The following BNC2 variants were observed in gnomAD, a reference collection of about 807,000 sequenced individuals.
BNC2 encodes basonuclin zinc finger protein 2, also known as zinc finger protein basonuclin-2.
Under a neutral mutation model 76.3 loss-of-function variants are expected in BNC2, and 20 were observed. The observed-to-expected ratio is 0.26, with a 90% CI of 0.18 to 0.38. The LOEUF (loss-of-function observed/expected upper bound fraction) is 0.38, where lower values mean the gene tolerates loss of function less well. Ranked by LOEUF, BNC2 falls within the 10% of genes least tolerant of loss-of-function variation. The pLI is 1.00. For missense variants in BNC2, 1,382 were observed against 1,399.8 expected, an observed-to-expected ratio of 0.99 and a Z score of 0.20; for synonymous variants, 582 against 514.8, an observed-to-expected ratio of 1.13 and a Z score of -1.77.
intron 3 of BNC2, among the ~76,000 whole-genome samples, chr9:16,708,149 A>C (rs2134682474): frequency 6.6e-6 from 1 of 152,308 alleles, no homozygotes; most frequent in South Asian, 2.1e-4. Context: ...AGGTGCCCAG[A>C]GTTTTGTAGA....
intron 5 of BNC2, among the ~76,000 whole-genome samples, chr9:16,505,269 G>A (rs1439325647): frequency 6.6e-6 from 1 of 152,172 alleles, no homozygotes; most frequent in East Asian, 1.9e-4. Context: ...CAATTTTCCA[G>A]TAACAGTCAC....
intron 1 of BNC2, among the ~76,000 whole-genome samples, chr9:16,769,373 C>G (rs1414150418): frequency 6.6e-6 from 1 of 152,146 alleles, no homozygotes; most frequent in East Asian, 1.9e-4. Flanking sequence ...CTCACAACAA[C>G]AGGTTAAAGA....
intron 3 of BNC2, among the ~76,000 whole-genome samples, chr9:16,701,098 G>T (rs545853088): frequency 1.3e-5 from 2 of 152,152 alleles, no homozygotes; most frequent in Admixed American, 1.3e-4. Context: ...ATTAGGCTAA[G>T]GCTTTCTCAT....
Position 16,697,175 on chromosome 9 carries a change from A to G in BNC2, c.330+30622T>C, listed in dbSNP as rs144820449. ...GGATTTCGAGACCAGCCTAGCTAAT[A>G]TGGTGAAACCCTGTCTCTACTACAC... On this transcript the variant is annotated intron_variant, in intron 3 of 6. Coordinates refer to ENST00000380672, the MANE Select transcript of BNC2 (RefSeq NM_017637.6). 5.2e-3 allele frequency among the ~76,000 whole-genome samples: 784 copies of G among 151,676 alleles called. 8 individuals are homozygous for G. The highest frequency in any genetic ancestry group is 7.5e-3 in the Admixed American group (115 of 15,232).
intron 5 of BNC2, among the ~76,000 whole-genome samples, chr9:16,491,319 T>A (rs1287352909): frequency 6.6e-6 from 1 of 152,160 alleles, no homozygotes; most frequent in Non-Finnish European, 1.5e-5. Context: ...ATCCTTCCAC[T>A]GCAGTGATAT....
At chr9:16,564,709 G>T (rs929289677) in intron 4 of BNC2, among the ~76,000 whole-genome samples, 1 of 152,110 alleles carries the variant, frequency 6.6e-6, no homozygotes, top group African/African-American at 2.4e-5. Context: ...TTTCTCATAG[G>T]TGCTTATTGA....
intron 3 of BNC2, among the ~76,000 whole-genome samples, chr9:16,653,541 TTC>T (rs1821848102): frequency 6.6e-6 from 1 of 152,054 alleles, no homozygotes; most frequent in African/African-American, 2.4e-5. Context: ...GCCTCCAATT[TTC>T]TGTCACAAGG....
At chr9:16,564,483 A>G (rs1048273264) in intron 4 of BNC2, among the ~76,000 whole-genome samples, 1 of 152,182 alleles carries the variant, frequency 6.6e-6, no homozygotes, top group African/African-American at 2.4e-5. Context: ...CAGAGGAAAC[A>G]TCAGGTTTCC....
chr9:16,735,717 C>A (rs1476596319), intron 2 of BNC2, among the ~76,000 whole-genome samples: 1 of 151,808 alleles, frequency 6.6e-6, no homozygotes, highest in East Asian at 2.0e-4. Flanking sequence ...CCAGGCCAGG[C>A]TGGTCTTGAA....
At chr9:16,531,093 T>C (rs753471118) in intron 5 of BNC2, among the ~76,000 whole-genome samples, 2 of 152,282 alleles carry the variant, frequency 1.3e-5, no homozygotes, top group African/African-American at 4.8e-5. Flanking sequence ...ATGGTGATTA[T>C]GAAAATAATA....
chr9:16,653,306 C>A (rs1018310019), intron 3 of BNC2, among the ~76,000 whole-genome samples: 1 of 152,106 alleles, frequency 6.6e-6, no homozygotes, highest in Non-Finnish European at 1.5e-5. Flanking sequence ...GGGAAACACA[C>A]GCACTCACAA....
intron 5 of BNC2, among the ~76,000 whole-genome samples, chr9:16,551,630 G>A (rs1038824496): frequency 3.9e-5 from 6 of 152,154 alleles, no homozygotes; most frequent in African/African-American, 1.2e-4. Context: ...GATGTCCTTC[G>A]GCGAGAGGGG....
intron 1 of BNC2, among the ~76,000 whole-genome samples, chr9:16,807,450 T>C (rs2135808787): frequency 6.6e-6 from 1 of 152,272 alleles, no homozygotes; most frequent in South Asian, 2.1e-4. Flanking sequence ...ATATATCCTG[T>C]TTTGCAATAT....
chr9:16,587,309 G>C (rs1291599021), intron 3 of BNC2, among the ~76,000 whole-genome samples: 1 of 151,546 alleles, frequency 6.6e-6, no homozygotes, highest in Non-Finnish European at 1.5e-5. Flanking sequence ...AACCTTTCAG[G>C]TTCAAGCAAT....
chr9:16,851,437 T>C (rs1452015351), intron 1 of BNC2, among the ~76,000 whole-genome samples: 2 of 152,044 alleles, frequency 1.3e-5, no homozygotes, highest in Non-Finnish European at 2.9e-5. Flanking sequence ...GCCCAGCAGG[T>C]CAAGGCTGCA....
At chr9:16,693,214 A>G (rs746967629) in intron 3 of BNC2, among the ~76,000 whole-genome samples, 11 of 151,550 alleles carry the variant, frequency 7.3e-5, no homozygotes, top group East Asian at 1.9e-4. Context: ...TCCTGCAACC[A>G]ACCGTTTCAC....
At chr9:16,722,828 G>A (rs1216358032) in intron 3 of BNC2, among the ~76,000 whole-genome samples, 1 of 152,100 alleles carries the variant, frequency 6.6e-6, no homozygotes, top group Non-Finnish European at 1.5e-5. Flanking sequence ...CATTACAAAT[G>A]AGACGGTATC....
chr9:16,411,370 CTTCT>C lies in BNC2; in HGVS notation c.*7615_*7618del, dbSNP rs1054694211. 2.0e-5 allele frequency: 3 copies of C among 152,676 alleles called. No homozygotes were observed. Among genetic ancestry groups the C allele is most frequent in the Non-Finnish European group, 4.4e-5 (3 of 68,028 alleles). The allele number at this position is 152,676 out of a possible 1,614,324, so 9.5% of individuals were successfully genotyped here. A position where few individuals can be genotyped will look rare whatever the true frequency, so the allele number is the denominator to read the frequency against. ...ACTTCTCTCCATTTTTCTTAAAATACTTCTTTCTGCTCTTCCTTCCCTTCAAAGA... is the reference window on the plus strand; with the variant it reads ...ACTTCTCTCCATTTTTCTTAAAATACTTCTGCTCTTCCTTCCCTTCAAAGA... On this transcript the variant is annotated 3_prime_UTR_variant, in exon 7 of 7. Coordinates refer to ENST00000380672, the MANE Select transcript of BNC2 (RefSeq NM_017637.6).
chr9:16,868,406 T>C (rs1280992838), intron 1 of BNC2, among the ~76,000 whole-genome samples: 1 of 114,148 alleles, frequency 8.8e-6, no homozygotes, highest in South Asian at 2.2e-4. Context: ...CATATCTCTA[T>C]CTGACAGATA....
Sources: allele counts gnomAD v4.1 joint callset (sites outside exome capture counted in the v4.1 genomes callset), GRCh38; gene constraint gnomAD v4.1.1; transcripts MANE v1.5; gene names NCBI Gene and HGNC (gene_info 2026-07-23, HGNC 2026-07-21).